DNAH14: variants seen among roughly 807,000 people sequenced by gnomAD.
The protein encoded by DNAH14 is dynein axonemal heavy chain 14.
In DNAH14, 478 loss-of-function variants were observed where a neutral mutation model predicts 520.9. That is an observed-to-expected ratio of 0.92 (90% CI 0.85 to 0.99). The LOEUF is 0.99. Among genes scored for constraint, DNAH14 ranks in the 50% least tolerant of loss-of-function variants. DNAH14 has a pLI of 0.00. For missense variants in DNAH14, 4,831 were observed against 5,234.5 expected (o/e 0.92, Z 2.38); for synonymous variants, 1,581 against 1,757.2 (o/e 0.90, Z 2.51).
chr1:225,079,056 C>A, intron 17 of DNAH14, 151 bp from the exon 18 acceptor site: 2 of 724,676 alleles, frequency 2.8e-6, no homozygotes, highest in South Asian at 2.0e-5. Flanking sequence ...TCAAGTAGTT[C>A]TTTATAGCAG....
intron 60 of DNAH14, among the ~76,000 whole-genome samples, chr1:225,316,227 T>G (rs930170810): frequency 6.6e-6 from 1 of 152,186 alleles, no homozygotes; most frequent in South Asian, 2.1e-4. Context: ...GTCCCAGGTC[T>G]TCTTCAGACT....
At chr1:225,052,570 A>C (rs933200544) in intron 17 of DNAH14, among the ~76,000 whole-genome samples, 1 of 152,200 alleles carries the variant, frequency 6.6e-6, no homozygotes, top group African/African-American at 2.4e-5. Flanking sequence ...CTGGAATATA[A>C]CCATGAGAGG....
At chr1:225,047,111 C>G (rs114271942) in intron 15 of DNAH14, among the ~76,000 whole-genome samples, 1,855 of 152,244 alleles carry the variant, frequency 0.012, 18 homozygotes, top group Non-Finnish European at 0.019. Context: ...GAGAAAATAT[C>G]TAGAAAATAT....
chr1:225,339,235 T>G (rs2095128686), intron 68 of DNAH14, among the ~76,000 whole-genome samples: 1 of 150,376 alleles, frequency 6.6e-6, no homozygotes, highest in African/African-American at 2.5e-5. Context: ...CGCTTGAACC[T>G]GGGAGGCAGA....
chr1:225,381,450 G>A lies in DNAH14; in HGVS notation c.12948G>A (p.Lys4316=). Residue 4316 remains lysine, a synonymous_variant, in exon 81 of 86, where the codon AAG becomes AAA. Transcript: ENST00000682510. ...AGCAAGAAATTAAACGATTTGATAA[G>A]TTATTATTTGTCATACATAAATCCT... ...FLKQEIKRFD[K]LLFVIHKSLK... 6.4e-7 allele frequency: 1 copy of A among 1,550,852 alleles called. No individual in the cohort carries two copies. Among genetic ancestry groups the A allele is most frequent in the Middle Eastern group, 1.7e-4 (1 of 5,984 alleles).
At chr1:225,015,795 A>G (rs533676477) in intron 10 of DNAH14, among the ~76,000 whole-genome samples, 93 of 152,352 alleles carry the variant, frequency 6.1e-4, no homozygotes, top group Non-Finnish European at 1.2e-3. Flanking sequence ...CACTCACCAG[A>G]CTATGGAGGA....
rs548070678 is a variant in DNAH14, at chr1:225,342,911, T to C, written c.10678+2210T>C. On this transcript the variant is annotated intron_variant, in intron 69 of 85. Coordinates refer to ENST00000682510, the MANE Select transcript of DNAH14 (RefSeq NM_001367479.1). ...CCTCCTCTTGGCCGGCGCTCACAGG[T>C]GCTACTAGGTGGTAGCCCATTCCTT... Among the ~76,000 whole-genome samples, 6 of 146,922 alleles carry C rather than the reference T, an allele frequency of 4.1e-5. No individual in the cohort carries two copies. In the East Asian group the frequency reaches 1.2e-3, roughly 30 times the overall value.
At chr1:225,071,861 T>C (rs992848211) in intron 17 of DNAH14, among the ~76,000 whole-genome samples, 1 of 152,128 alleles carries the variant, frequency 6.6e-6, no homozygotes, top group Non-Finnish European at 1.5e-5. Flanking sequence ...AACAGCAGCA[T>C]AGGGGTAACT....
chr1:225,006,997 T>C (rs1298009597), intron 9 of DNAH14, among the ~76,000 whole-genome samples: 2 of 152,172 alleles, frequency 1.3e-5, no homozygotes, highest in African/African-American at 4.8e-5. Flanking sequence ...TTAGGGAAAA[T>C]AGAAAAGAAC....
chr1:225,151,750 T>A, intron 31 of DNAH14: 1 of 615,346 alleles, frequency 1.6e-6, no homozygotes, highest in Non-Finnish European at 2.9e-6. Flanking sequence ...TTCAGCTAGG[T>A]ATCTTCCAGC....
At chr1:225,127,457 A>T (rs534109865) in intron 27 of DNAH14, among the ~76,000 whole-genome samples, 1,547 of 152,170 alleles carry the variant, frequency 0.01, 27 homozygotes, top group African/African-American at 0.035. Flanking sequence ...CTTTACCATT[A>T]TGTAATGGCC....
chr1:225,060,219 AT>A (rs1034146551), intron 17 of DNAH14, among the ~76,000 whole-genome samples: 6 of 150,522 alleles, frequency 4.0e-5, no homozygotes, highest in African/African-American at 7.4e-5. Flanking sequence ...ATTTCTTTTT[AT>A]TTTTTTTTCT....
chr1:225,374,178 T>TATATATATATATATATATATAC (rs1395262559), intron 77 of DNAH14, among the ~76,000 whole-genome samples: 1 of 95,348 alleles, frequency 1.0e-5, no homozygotes, highest in African/African-American at 3.8e-5. Context: ...TATATATATA[T>TATATATATATATATATATATAC]ATATACTATT....
At position 224,929,699 on chromosome 1, in the gene DNAH14, G is replaced by T. The variant is rs778492003; in HGVS notation, c.-170G>T. Reference sequence around the variant, plus strand: ...GGTCAGGCGGTTACGGCCAGGAGGCGTCGGAGCCTGGCGTGGTAGGGCTGT... The same window carrying T: ...GGTCAGGCGGTTACGGCCAGGAGGCTTCGGAGCCTGGCGTGGTAGGGCTGT... On this transcript the variant is annotated 5_prime_UTR_variant, in exon 1 of 86. Coordinates refer to ENST00000682510, the MANE Select transcript of DNAH14 (RefSeq NM_001367479.1). 177 of 702,324 alleles carry T rather than the reference G, an allele frequency of 2.5e-4. 1 individual carries two copies. Among genetic ancestry groups the T allele is most frequent in the Non-Finnish European group, 4.5e-4 (172 of 384,870 alleles). The allele number at this position is 702,324 out of a possible 1,614,324, so 43.5% of individuals were successfully genotyped here. A position where few individuals can be genotyped will look rare whatever the true frequency, so the allele number is the denominator to read the frequency against.
chr1:225,367,538 T>C (rs539648592), intron 76 of DNAH14, among the ~76,000 whole-genome samples: 2 of 152,312 alleles, frequency 1.3e-5, no homozygotes, highest in Admixed American at 1.3e-4. Flanking sequence ...AGCCCTATGC[T>C]CTGAGCAAAT....
At chr1:225,295,302 G>A (rs771504814) in intron 55 of DNAH14, among the ~76,000 whole-genome samples, 18 of 151,932 alleles carry the variant, frequency 1.2e-4, no homozygotes, top group Admixed American at 5.2e-4. Flanking sequence ...TTTTGGGTTC[G>A]TTTGTTCTTG....
Position 225,159,397 on chromosome 1 carries a change from C to G in DNAH14, c.5357C>G (p.Pro1786Arg). Residue 1786 changes from proline (P) to arginine (R), a missense_variant, in exon 35 of 86, where the codon CCT (proline) becomes CGT (arginine). Transcript: ENST00000682510. ...AGAGAAGCTAGTTTGCCAAAATGTCCTCCTGAAGATGTCCCACTTTTTGAA... is the reference window on the plus strand; with the variant it reads ...AGAGAAGCTAGTTTGCCAAAATGTCGTCCTGAAGATGTCCCACTTTTTGAA... ...AIREASLPKC[P>R]PEDVPLFENI... is the part of the protein sequence containing the mutation. The G allele has an allele frequency of 6.4e-7, 1 of 1,550,876 alleles. No homozygotes were observed. The highest frequency in any genetic ancestry group is 8.7e-7 in the Non-Finnish European group (1 of 1,146,562).
intron 79 of DNAH14, among the ~76,000 whole-genome samples, chr1:225,379,635 C>G (rs998742380): frequency 1.3e-5 from 2 of 151,964 alleles, no homozygotes. Context: ...TCAAGTGATT[C>G]TCGTGCCTCA....
intron 35 of DNAH14, among the ~76,000 whole-genome samples, chr1:225,161,710 G>A (rs374503080): frequency 1.3e-5 from 2 of 152,280 alleles, no homozygotes; most frequent in East Asian, 1.9e-4. Flanking sequence ...TCTAACTGGG[G>A]TGAGATGATA....
Sources: gnomAD v4.1 joint callset for allele counts (sites outside exome capture counted in the v4.1 genomes callset) on GRCh38, gnomAD v4.1.1 for gene constraint, MANE v1.5 for transcripts, NCBI Gene and HGNC (gene_info 2026-07-23, HGNC 2026-07-21) for gene names.